Variants in CDH23 observed in about 807,000 individuals in gnomAD.
The protein encoded by CDH23 is cadherin-23.
In CDH23, 189 loss-of-function variants were observed where a neutral mutation model predicts 317.1. The ratio of observed to expected loss-of-function variants is 0.60; its 90% confidence interval spans 0.53 to 0.67. The LOEUF is 0.67. Ranked by LOEUF, CDH23 falls within the 30% of genes least tolerant of loss-of-function variation. CDH23 has a pLI of 0.00. For synonymous variants in CDH23, 1,839 were observed against 1,876.8 expected (o/e 0.98, Z 0.52); for missense variants, 4,401 against 4,592.4 (o/e 0.96, Z 1.20).
At chr10:71,813,484 C>A (rs1217323345) in intron 69 of CDH23, 136 bp downstream of exon 69, 2 of 756,704 alleles carry the variant, frequency 2.6e-6, no homozygotes, top group African/African-American at 1.7e-5. Flanking sequence ...GGGTGGGGGC[C>A]AGGAAGTCAG....
In CDH23 at chr10:71,679,423, A is replaced by T; in HGVS notation, c.1789A>T (p.Thr597Ser). 1 of 1,613,608 alleles carries T rather than the reference A, an allele frequency of 6.2e-7. No homozygotes were observed. The highest frequency in any genetic ancestry group is 1.1e-5 in the South Asian group (1 of 90,994). The stretch of plus-strand genomic sequence containing the variant: ...AGACTCCCCTCCCAACAACCAGATC[A>T]CCTACAGCATTGTCAGTGCATCTGC... Reference protein sequence around the residue: ...DEDSPPNNQITYSIVSASAFG... With the variant: ...DEDSPPNNQISYSIVSASAFG... Residue 597 changes from threonine (T) to serine (S), a missense_variant, in exon 17 of 70, where the codon ACC (threonine) becomes TCC (serine). By Grantham distance (58) the Thr-to-Ser change is moderately conservative. Coordinates refer to ENST00000224721, the MANE Select transcript of CDH23 (RefSeq NM_022124.6).
chr10:71,470,476 A>G (rs760124101), intron 3 of CDH23, among the ~76,000 whole-genome samples: 2 of 151,278 alleles, frequency 1.3e-5, no homozygotes, highest in Admixed American at 6.6e-5. Flanking sequence ...AATGTCCACT[A>G]TGGGACGTAT....
intron 6 of CDH23, among the ~76,000 whole-genome samples, chr10:71,521,411 T>C (rs900846007): frequency 6.6e-6 from 1 of 152,168 alleles, no homozygotes; most frequent in Non-Finnish European, 1.5e-5. Context: ...TTCCCACCAT[T>C]GCTGAGACGA....
intron 38 of CDH23, among the ~76,000 whole-genome samples, chr10:71,754,006 A>G (rs761619312): frequency 1.3e-5 from 2 of 152,224 alleles, no homozygotes; most frequent in Non-Finnish European, 2.9e-5. Flanking sequence ...ATGGAAATCC[A>G]CACCTGTTGG....
intron 38 of CDH23, among the ~76,000 whole-genome samples, chr10:71,766,576 G>T (rs1311447047): frequency 2.6e-5 from 4 of 152,240 alleles, no homozygotes; most frequent in African/African-American, 9.6e-5. Flanking sequence ...CCTGAGGGCT[G>T]CCAGCTCTAA....
chr10:71,657,487 G>T (rs1310473704), intron 14 of CDH23, among the ~76,000 whole-genome samples: 2 of 152,182 alleles, frequency 1.3e-5, no homozygotes, highest in Non-Finnish European at 2.9e-5. Flanking sequence ...TTCTACCATT[G>T]TATAAAGCTG....
At chr10:71,694,044 G>T in intron 20 of CDH23, 103 bp from the exon 21 acceptor site, 1 of 904,926 alleles carries the variant, frequency 1.1e-6, no homozygotes, top group South Asian at 1.4e-5. Context: ...CATTTCTCGT[G>T]CAAGTTCTCA....
At chr10:71,725,106 C>T (rs1468168912) in intron 29 of CDH23, among the ~76,000 whole-genome samples, 1 of 152,166 alleles carries the variant, frequency 6.6e-6, no homozygotes, top group Non-Finnish European at 1.5e-5. Context: ...CTGCTGGGGA[C>T]CATCAACACC....
intron 41 of CDH23, among the ~76,000 whole-genome samples, chr10:71,780,784 G>A (rs1840931386): frequency 6.6e-6 from 1 of 152,174 alleles, no homozygotes; most frequent in African/African-American, 2.4e-5. Context: ...AAAGGAGCAG[G>A]GAAGTCGGAT....
chr10:71,707,840 C>T (rs528192645), intron 26 of CDH23, among the ~76,000 whole-genome samples: 5 of 152,288 alleles, frequency 3.3e-5, no homozygotes, highest in East Asian at 1.9e-4. Flanking sequence ...CCTGTACACA[C>T]GAGCAGGGCA....
At chr10:71,596,187 A>G (rs1002025317) in intron 9 of CDH23, among the ~76,000 whole-genome samples, 17 of 151,864 alleles carry the variant, frequency 1.1e-4, no homozygotes, top group Non-Finnish European at 2.4e-4. Flanking sequence ...ACTTTTTTGC[A>G]GCCATAATTA....
rs765455172 is a variant in CDH23 at position 71,510,096 on chromosome 10, C to G, written c.160C>G (p.Gln54Glu). ...EDTPVGSSVT[Q>E]LLAQDMDNDP... The stretch of plus-strand genomic sequence containing the variant: ...GGCTACTCCAGGTTCTTCTGTGACC[C>G]AGTTGCTGGCCCAAGACATGGACAA... The change falls in exon 4 of 70, where the codon CAG becomes GAG. Residue 54 changes from glutamine to glutamate, a missense_variant. Gln to Glu is a conservative substitution (Grantham distance 29). Around this residue, in one of 3 missense-constraint regions of CDH23, gnomAD observed 3,068 missense variants for 3,203.3 expected, o/e 0.96. Transcript: ENST00000224721. The G allele has an allele frequency of 2.1e-5, 34 of 1,613,916 alleles. No homozygotes were observed. In the Admixed American group the frequency reaches 4.5e-4, roughly 21 times the overall value.
intron 53 of CDH23, among the ~76,000 whole-genome samples, chr10:71,802,576 A>T (rs1841586535): frequency 6.6e-6 from 1 of 152,146 alleles, no homozygotes; most frequent in South Asian, 2.1e-4. Flanking sequence ...GCAGCAAGGA[A>T]TAAAGTAGGA....
chr10:71,631,546 G>A (rs1017859258), intron 11 of CDH23, among the ~76,000 whole-genome samples: 5 of 152,236 alleles, frequency 3.3e-5, no homozygotes, highest in South Asian at 2.1e-4. Flanking sequence ...AAATTAACAC[G>A]CATATCTTAG....
chr10:71,494,611 C>T (rs193125050), intron 3 of CDH23, among the ~76,000 whole-genome samples: 99 of 152,296 alleles, frequency 6.5e-4, no homozygotes, highest in Middle Eastern at 3.4e-3. Flanking sequence ...GTCTCCCATA[C>T]GGTAGATGCT....
At chr10:71,730,703 G>T (rs1187239813) in intron 31 of CDH23, 99 bp downstream of exon 31, 47 of 1,530,054 alleles carry the variant, frequency 3.1e-5, no homozygotes, top group Non-Finnish European at 4.0e-5. Context: ...TGATGCTTCA[G>T]GCTCCCCATT....
intron 6 of CDH23, among the ~76,000 whole-genome samples, chr10:71,527,296 G>C (rs1855096660): frequency 6.6e-6 from 1 of 152,244 alleles, no homozygotes; most frequent in South Asian, 2.1e-4. Flanking sequence ...CTCCCTCACG[G>C]GTCAGTGCCC....
chr10:71,798,286 C>G, intron 49 of CDH23, 68 bp from the exon 50 acceptor site: 3 of 1,252,784 alleles, frequency 2.4e-6, no homozygotes. Flanking sequence ...TTGGCTGAGG[C>G]TAAGGAAGGC....
At chr10:71,581,793 AT>A (rs1564667271) in intron 9 of CDH23, among the ~76,000 whole-genome samples, 1 of 152,162 alleles carries the variant, frequency 6.6e-6, no homozygotes, top group African/African-American at 2.4e-5. Context: ...GCAGGCTCCC[AT>A]CCCCAAAGGA....
Sources: allele counts gnomAD v4.1 joint callset (sites outside exome capture counted in the v4.1 genomes callset), GRCh38; gene constraint gnomAD v4.1.1; regional missense constraint gnomAD v4.1.1; transcripts MANE v1.5; gene names NCBI Gene and HGNC (gene_info 2026-07-23, HGNC 2026-07-21).